The following DPYSL2 variants were observed in gnomAD, a reference collection of about 807,000 sequenced individuals.
The protein encoded by DPYSL2 is dihydropyrimidinase-related protein 2.
In DPYSL2, 13 loss-of-function variants were observed where a neutral mutation model predicts 69.9. That is an observed-to-expected ratio of 0.19 (90% CI 0.12 to 0.30). The LOEUF (loss-of-function observed/expected upper bound fraction) is 0.30. Ranked by LOEUF, DPYSL2 falls within the 10% of genes least tolerant of loss-of-function variation. The pLI is 1.00. For missense variants in DPYSL2, 587 were observed against 918.9 expected (o/e 0.64, Z 4.67); for synonymous variants, 326 against 359.1 (o/e 0.91, Z 1.04).
intron 8 of DPYSL2, among the ~76,000 whole-genome samples, chr8:26,636,247 T>C (rs1001633148): frequency 6.6e-6 from 1 of 152,222 alleles, no homozygotes; most frequent in East Asian, 1.9e-4. Context: ...TGGATGACGA[T>C]GGAATCGGTG....
Position 26,582,016 on chromosome 8 carries a change from G to A in DPYSL2, c.402G>A (p.Gln134=). Reference sequence around the variant, plus strand: ...GAGGTAAAATTGTTAATGATGACCAGTCGTTCTATGCAGACATATACATGG... The same window carrying A: ...GAGGTAAAATTGTTAATGATGACCAATCGTTCTATGCAGACATATACATGG... ...IKGGKIVNDD[Q]SFYADIYMED... Residue 134 remains glutamine, a synonymous_variant, in exon 2 of 14, where the codon CAG becomes CAA. Transcript: ENST00000521913. This position sits in a 1 kb window ranked among gnomAD's most constrained non-coding sequence, Gnocchi z 4.1. 1.9e-6 allele frequency: 3 copies of A among 1,614,002 alleles called. No individual in the cohort carries two copies. The highest frequency in any genetic ancestry group is 1.7e-4 in the Middle Eastern group (1 of 6,060).
intron 8 of DPYSL2, among the ~76,000 whole-genome samples, chr8:26,635,733 T>A (rs1410238259): frequency 6.6e-6 from 1 of 152,166 alleles, no homozygotes; most frequent in Non-Finnish European, 1.5e-5. Flanking sequence ...CCTTTGCCTG[T>A]TGGGATCTCT....
intron 1 of DPYSL2, among the ~76,000 whole-genome samples, chr8:26,535,121 A>G (rs757822780): frequency 1.5e-4 from 23 of 152,234 alleles, no homozygotes; most frequent in Non-Finnish European, 2.8e-4. Context: ...GTCTGAGATC[A>G]GGGTGCCAGC....
At chr8:26,563,610 C>G (rs1320296986) in intron 1 of DPYSL2, among the ~76,000 whole-genome samples, 1 of 152,196 alleles carries the variant, frequency 6.6e-6, no homozygotes, top group Non-Finnish European at 1.5e-5. Flanking sequence ...AGCTCCCCTT[C>G]CTAGACCTTC....
intron 3 of DPYSL2, among the ~76,000 whole-genome samples, chr8:26,594,216 A>C (rs1801808073): frequency 6.6e-6 from 1 of 152,192 alleles, no homozygotes; most frequent in Non-Finnish European, 1.5e-5. Context: ...CTATGGAAAA[A>C]GTGAGTTTTT....
chr8:26,527,804 C>CTTTTTTTTTTTTTTTTT (rs34631984), intron 1 of DPYSL2, among the ~76,000 whole-genome samples: 3 of 132,720 alleles, frequency 2.3e-5, no homozygotes, highest in African/African-American at 8.3e-5. Context: ...TTTGTTTATC[C>CTTTTTTTTTTTTTTTTT]TTTTTTTTTT....
intron 1 of DPYSL2, chr8:26,578,302 G>C: frequency 6.2e-7 from 1 of 1,614,092 alleles, no homozygotes; most frequent in South Asian, 1.1e-5. Context: ...CGGTGAGTTT[G>C]GTACTTGGGA....
At chr8:26,579,339 TG>T (rs375918701) in intron 1 of DPYSL2, among the ~76,000 whole-genome samples, 1 of 152,338 alleles carries the variant, frequency 6.6e-6, no homozygotes, top group Non-Finnish European at 1.5e-5. Context: ...CATCTTTTCC[TG>T]GAAAAATTCG....
In DPYSL2 at chr8:26,641,706, T is replaced by A. The variant is rs1294602037; in HGVS notation, c.1127-1733T>A. On this transcript the variant is annotated intron_variant, in intron 8 of 13. Coordinates refer to ENST00000521913, the MANE Select transcript of DPYSL2 (RefSeq NM_001197293.3). The surrounding 1 kb of genome is among the most constrained non-coding windows in gnomAD (Gnocchi z 4.1). ...CGAGCACCTAGCACTGGCCCTTTTC[T>A]TCCTTGGGGCTTCCTTCTGGAGGAG... 6.6e-6 allele frequency among the ~76,000 whole-genome samples: 1 copy of A among 152,182 alleles called. No individual in the cohort carries two copies. The highest frequency in any genetic ancestry group is 1.5e-5 in the Non-Finnish European group (1 of 68,024).
intron 1 of DPYSL2, among the ~76,000 whole-genome samples, chr8:26,518,679 C>T (rs147999711): frequency 3.3e-5 from 5 of 152,268 alleles, no homozygotes; most frequent in African/African-American, 1.2e-4. Context: ...CTAGACTCCT[C>T]ATATAAGTGA....
intron 1 of DPYSL2, among the ~76,000 whole-genome samples, chr8:26,532,446 A>G (rs1426299607): frequency 6.6e-6 from 1 of 152,220 alleles, no homozygotes; most frequent in African/African-American, 2.4e-5. Flanking sequence ...GGATATTCAC[A>G]AGATGTGCAC....
intron 3 of DPYSL2, among the ~76,000 whole-genome samples, chr8:26,596,987 A>G (rs1004660756): frequency 2.6e-5 from 4 of 152,192 alleles, no homozygotes; most frequent in East Asian, 3.8e-4. Context: ...TTGGTGTTCA[A>G]GTTTTATCCT....
At chr8:26,554,770 A>G (rs1800918851) in intron 1 of DPYSL2, among the ~76,000 whole-genome samples, 1 of 152,204 alleles carries the variant, frequency 6.6e-6, no homozygotes, top group African/African-American at 2.4e-5. Flanking sequence ...AATTCATTCT[A>G]TGAGGCCAAA....
intron 3 of DPYSL2, among the ~76,000 whole-genome samples, chr8:26,601,861 A>G (rs1802000187): frequency 6.6e-6 from 1 of 152,256 alleles, no homozygotes; most frequent in Non-Finnish European, 1.5e-5. Flanking sequence ...GGGGTGGGCT[A>G]GCTTGAAATA....
Position 26,654,327 on chromosome 8 carries a change from C to T in DPYSL2, c.1942+930C>T, listed in dbSNP as rs1246078709. On this transcript the variant is annotated intron_variant, in intron 13 of 13. Transcript: ENST00000521913. The surrounding 1 kb of genome is among the most constrained non-coding windows in gnomAD (Gnocchi z 5.0). Reference sequence around the variant, plus strand: ...GTTTCCTTGCTTGAAACTTCTTTCCCATCTTTCATTTGTCCCATGACTAGA... The same window carrying T: ...GTTTCCTTGCTTGAAACTTCTTTCCTATCTTTCATTTGTCCCATGACTAGA... Among the ~76,000 whole-genome samples the T allele has an allele frequency of 6.6e-6, 1 of 152,012 alleles. No individual in the cohort carries two copies. Among genetic ancestry groups the T allele is most frequent in the Non-Finnish European group, 1.5e-5 (1 of 68,012 alleles).
chr8:26,644,094 A>G lies in DPYSL2; in HGVS notation c.1425+3A>G. The G allele has an allele frequency of 6.2e-7, 1 of 1,613,990 alleles. No homozygotes were observed. Among genetic ancestry groups the G allele is most frequent in the Non-Finnish European group, 8.5e-7 (1 of 1,179,910 alleles). On this transcript the variant is annotated splice_donor_region_variant and intron_variant, in intron 10 of 13. Transcript: ENST00000521913. The surrounding 1 kb of genome is among the most constrained non-coding windows in gnomAD (Gnocchi z 4.5). ...CCGTCATCTGGGACAAGGCTGTGGTAAGGAGCGATGGCCTCACTCCTTGGT... is the reference window on the plus strand; with the variant it reads ...CCGTCATCTGGGACAAGGCTGTGGTGAGGAGCGATGGCCTCACTCCTTGGT...
intron 1 of DPYSL2, among the ~76,000 whole-genome samples, chr8:26,577,629 C>A (rs1443847817): frequency 6.6e-6 from 1 of 150,520 alleles, no homozygotes; most frequent in East Asian, 1.9e-4. Context: ...GCGACGACCA[C>A]CCCTCCATTG....
intron 1 of DPYSL2, among the ~76,000 whole-genome samples, chr8:26,518,762 G>A (rs1191372740): frequency 6.6e-6 from 1 of 152,146 alleles, no homozygotes; most frequent in Admixed American, 6.5e-5. Context: ...CATCTGTGTT[G>A]TAACATGTGA....
intron 3 of DPYSL2, 102 bp downstream of exon 3, chr8:26,584,085 C>G: frequency 8.3e-7 from 1 of 1,209,090 alleles, no homozygotes; most frequent in Non-Finnish European, 1.2e-6. Context: ...CTGTCCTGAG[C>G]CACAGTTCAA....
Sources: gnomAD v4.1 joint callset for allele counts (sites outside exome capture counted in the v4.1 genomes callset) on GRCh38, gnomAD v4.1.1 for gene constraint, Gnocchi (gnomAD v3.1) non-coding constraint, MANE v1.5 for transcripts, NCBI Gene and HGNC (gene_info 2026-07-23, HGNC 2026-07-21) for gene names.